The following USPL1 variants were observed in gnomAD, a reference collection of about 807,000 sequenced individuals.
The protein encoded by USPL1 is SUMO-specific isopeptidase USPL1.
In USPL1, 27 loss-of-function variants were observed where a neutral mutation model predicts 51.5. The observed-to-expected ratio is 0.52, with a 90% CI of 0.39 to 0.72. USPL1 has a LOEUF of 0.72. USPL1 is among the 30% of genes least tolerant of loss of function. USPL1 has a pLI of 0.00. For synonymous variants in USPL1, 451 were observed against 459.6 expected, an observed-to-expected ratio of 0.98 and a Z score of 0.24; for missense variants, 1,226 against 1,268.0, an observed-to-expected ratio of 0.97 and a Z score of 0.50.
intron 2 of USPL1, 32 bp downstream of exon 2, chr13:30,621,271 A>T (rs768612388): frequency 4.0e-6 from 6 of 1,482,410 alleles, no homozygotes; most frequent in Non-Finnish European, 5.5e-6. Context: ...CTGAGTGCAA[A>T]GTTTTTTTTT....
intron 4 of USPL1, among the ~76,000 whole-genome samples, chr13:30,634,382 C>T (rs142171930): frequency 2.6e-5 from 4 of 152,270 alleles, no homozygotes; most frequent in East Asian, 3.9e-4. Flanking sequence ...TGGAATTTTC[C>T]GCTTAATATT....
intron 8 of USPL1, among the ~76,000 whole-genome samples, chr13:30,654,345 T>TTC (rs375597268): frequency 1.1e-3 from 165 of 150,072 alleles, no homozygotes; most frequent in African/African-American, 2.4e-3. Context: ...CTCTCTCTCA[T>TTC]TCTCTCTCTC....
At position 30,658,332 on chromosome 13, in the gene USPL1, A is replaced by T. The variant is rs148733733; in HGVS notation, c.2255A>T (p.Lys752Met). The T allele has an allele frequency of 3.5e-5, 57 of 1,613,914 alleles. No homozygotes were observed. Among genetic ancestry groups the T allele is most frequent in the Non-Finnish European group, 4.7e-5 (56 of 1,180,050 alleles). ...LQNQSLKENQ[K>M]KPFVGSWVKG... ...AATCAGTCTCTGAAAGAAAATCAGA[A>T]GAAGCCATTTGTGGGAAGTTGGGTT... The change falls in exon 9 of 9, where the codon AAG becomes ATG. Residue 752 changes from lysine to methionine, a missense_variant. By Grantham distance (95) the Lys-to-Met change is moderately conservative (BLOSUM62 -1). Transcript: ENST00000255304.
At position 30,658,746 on chromosome 13, in the gene USPL1, T is replaced by G. The variant is rs1310949170; in HGVS notation, c.2669T>G (p.Leu890Arg). 1 of 1,614,194 alleles carries G rather than the reference T, an allele frequency of 6.2e-7. No individual in the cohort carries two copies. The highest frequency in any genetic ancestry group is 8.5e-7 in the Non-Finnish European group (1 of 1,180,038). ...LVEGQIHKLR[L>R]KLRKKLKAEK... ...GAAGGTCAGATTCATAAACTTCGTC[T>G]AAAACTTCGTAAAAAGCTAAAGGCA... is the stretch of plus-strand genomic sequence containing the variant. Residue 890 changes from leucine (L) to arginine (R), a missense_variant, in exon 9 of 9, where the codon CTA (leucine) becomes CGA (arginine). Leu to Arg is a moderately radical substitution (Grantham distance 102). Transcript: ENST00000255304.
chr13:30,642,895 C>T (rs1304251626), intron 6 of USPL1, 138 bp downstream of exon 6: 2 of 997,260 alleles, frequency 2.0e-6, no homozygotes, highest in South Asian at 1.7e-5. Context: ...GTTTGATAGA[C>T]TGCTAGTAGG....
At chr13:30,647,138 G>C in intron 7 of USPL1, 81 bp downstream of exon 7, 1 of 1,423,278 alleles carries the variant, frequency 7.0e-7, no homozygotes, top group Non-Finnish European at 9.7e-7. Flanking sequence ...ATTGAAAATG[G>C]TGACAACAAC....
At chr13:30,624,580 A>C (rs921727921) in intron 3 of USPL1, among the ~76,000 whole-genome samples, 8 of 152,246 alleles carry the variant, frequency 5.3e-5, no homozygotes, top group Admixed American at 5.2e-4. Flanking sequence ...TGATTGTGCC[A>C]CTGCATTCCA....
chr13:30,638,487 G>C (rs1014203967), intron 5 of USPL1, among the ~76,000 whole-genome samples: 2 of 152,194 alleles, frequency 1.3e-5, no homozygotes, highest in Admixed American at 1.3e-4. Context: ...TTTGTTCTCT[G>C]TGACTTGGTT....
chr13:30,646,790 G>A (rs531752796), intron 6 of USPL1, 142 bp from the exon 7 acceptor site: 3 of 841,030 alleles, frequency 3.6e-6, no homozygotes, highest in African/African-American at 3.5e-5. Flanking sequence ...TAGAGGTAGG[G>A]AGGAACATTG....
intron 3 of USPL1, 59 bp from the exon 4 acceptor site, chr13:30,630,776 A>G: frequency 4.1e-6 from 6 of 1,478,156 alleles, no homozygotes; most frequent in Non-Finnish European, 1.8e-6. Context: ...TATGAAAACT[A>G]TAAAACATGA....
intron 5 of USPL1, among the ~76,000 whole-genome samples, chr13:30,640,064 C>T (rs1404310253): frequency 6.6e-6 from 1 of 152,150 alleles, no homozygotes; most frequent in African/African-American, 2.4e-5. Flanking sequence ...ACTGCCCATT[C>T]AAGGATAGGT....
intron 4 of USPL1, among the ~76,000 whole-genome samples, chr13:30,632,431 T>TTTA (rs1555247843): frequency 1.4e-5 from 2 of 147,670 alleles, no homozygotes; most frequent in African/African-American, 2.5e-5. Context: ...TTTTTTTTTT[T>TTTA]AAGACAGAGC....
chr13:30,657,681 C>G lies in USPL1; in HGVS notation c.1604C>G (p.Ser535Cys). The change falls in exon 9 of 9, where the codon TCT becomes TGT. Residue 535 changes from serine (S) to cysteine (C), a missense_variant. Transcript: ENST00000255304. ...AAACCAGTATCTTTAACATCGTGTT[C>G]TGTGGGTGATGCTGCCTCAGCTGAA... ...NEKPVSLTSC[S>C]VGDAASAETA... is the part of the protein sequence containing the mutation. The G allele has an allele frequency of 1.9e-6, 3 of 1,614,130 alleles. No individual in the cohort carries two copies. The highest frequency in any genetic ancestry group is 1.7e-5 in the Admixed American group (1 of 60,026).
chr13:30,641,983 T>C (rs964165390), intron 5 of USPL1, among the ~76,000 whole-genome samples: 2 of 152,114 alleles, frequency 1.3e-5, no homozygotes, highest in Admixed American at 6.6e-5. Flanking sequence ...CATAGCTCAC[T>C]GCAGCCTCAA....
intron 7 of USPL1, among the ~76,000 whole-genome samples, chr13:30,648,550 A>G (rs1278718326): frequency 4.6e-5 from 7 of 152,192 alleles, no homozygotes; most frequent in Non-Finnish European, 1.0e-4. Context: ...TGGGAAAAAT[A>G]AGCTCTTCTT....
intron 5 of USPL1, among the ~76,000 whole-genome samples, 154 bp downstream of exon 5, chr13:30,638,011 T>C (rs1950898326): frequency 6.6e-6 from 1 of 152,152 alleles, no homozygotes; most frequent in Admixed American, 6.5e-5. Flanking sequence ...TACCACTGGG[T>C]AAGTTATTGT....
At chr13:30,639,720 C>T (rs1950922109) in intron 5 of USPL1, among the ~76,000 whole-genome samples, 2 of 152,078 alleles carry the variant, frequency 1.3e-5, no homozygotes, top group African/African-American at 2.4e-5. Flanking sequence ...ATCTGTTGAG[C>T]GAATACTCAT....
intron 8 of USPL1, among the ~76,000 whole-genome samples, 165 bp downstream of exon 8, chr13:30,653,470 G>A (rs1167504385): frequency 6.6e-6 from 1 of 152,112 alleles, no homozygotes; most frequent in Non-Finnish European, 1.5e-5. Context: ...TCTATTAAAA[G>A]TGATGGTTTT....
intron 6 of USPL1, among the ~76,000 whole-genome samples, chr13:30,646,354 TG>T (rs59243462): frequency 4.0e-5 from 6 of 149,444 alleles, no homozygotes; most frequent in East Asian, 1.9e-4. Context: ...TGTGTGTGTG[TG>T]TTTTTTTTTT....
Sources: gnomAD v4.1 joint callset for allele counts (sites outside exome capture counted in the v4.1 genomes callset) on GRCh38, gnomAD v4.1.1 for gene constraint, MANE v1.5 for transcripts, NCBI Gene and HGNC (gene_info 2026-07-23, HGNC 2026-07-21) for gene names.